The following UNKL variants were observed in gnomAD, a reference collection of about 807,000 sequenced individuals.
UNKL encodes the protein putative E3 ubiquitin-protein ligase UNKL.
UNKL carries 60 observed loss-of-function variants against 78.0 expected under a neutral mutation model. The ratio of observed to expected loss-of-function variants is 0.77; its 90% CI spans 0.63 to 0.95. UNKL has a LOEUF of 0.95. Ranked by LOEUF, UNKL falls within the 40% of genes least tolerant of loss-of-function variation. The pLI is 0.00. For missense variants in UNKL, 1,159 were observed against 1,045.7 expected, an observed-to-expected ratio of 1.11 and a Z score of -1.49; for synonymous variants, 608 against 474.8, an observed-to-expected ratio of 1.28 and a Z score of -3.65.
At chr16:1,382,019 C>T (rs189074002) in intron 10 of UNKL, among the ~76,000 whole-genome samples, 74 of 152,330 alleles carry the variant, frequency 4.9e-4, no homozygotes, top group Middle Eastern at 3.4e-3. Context: ...AGTGCTCTGT[C>T]CCTGGGCTGG....
In UNKL at chr16:1,390,662, G is replaced by T. The variant is rs1215807620; in HGVS notation, c.1056C>A (p.Gly352=). 1 of 1,536,076 alleles carries T rather than the reference G, an allele frequency of 6.5e-7. No homozygotes were observed. The change falls in exon 9 of 15, where the codon GGC becomes GGA. Residue 352 remains glycine (G), a synonymous_variant. Coordinates refer to ENST00000389221, the MANE Select transcript of UNKL (RefSeq NM_001372107.1). ...TGCTGTCTTGCTCGCTGCCCCTAGGGCCACCCTCGGCCGGCGAGTCTCTCC... is the reference window on the plus strand; with the variant it reads ...TGCTGTCTTGCTCGCTGCCCCTAGGTCCACCCTCGGCCGGCGAGTCTCTCC... ...AKRRDSPAEG[G]PRGSEQDSKQ... is the part of the protein sequence containing the mutation.
intron 10 of UNKL, chr16:1,379,493 C>G: frequency 7.1e-6 from 7 of 985,406 alleles, no homozygotes; most frequent in Non-Finnish European, 8.4e-6. Context: ...GGGCCCACCC[C>G]GCGGCTGTCA....
intron 5 of UNKL, chr16:1,398,976 T>C (rs2037396813): frequency 1.3e-6 from 2 of 1,496,036 alleles, no homozygotes; most frequent in African/African-American, 1.4e-5. Context: ...GTGACGACAG[T>C]GCCTGAGCCC....
At chr16:1,366,545 G>A (rs947774790) in intron 14 of UNKL, 150 bp from the exon 15 acceptor site, 1 of 1,043,362 alleles carries the variant, frequency 9.6e-7, no homozygotes, top group Non-Finnish European at 1.3e-6. Context: ...CCCAGCCAGG[G>A]CCACCTCAGG....
chr16:1,405,980 T>C (rs1373917920), intron 2 of UNKL: 4 of 456,694 alleles, frequency 8.8e-6, no homozygotes, highest in Non-Finnish European at 1.8e-5. Flanking sequence ...CAAAATCACC[T>C]AGGAGGCCCG....
chr16:1,412,101 C>T (rs1407782949), intron 2 of UNKL: 1 of 152,150 alleles, frequency 6.6e-6, no homozygotes, highest in Non-Finnish European at 1.5e-5. Flanking sequence ...ATGGACCACC[C>T]TCCGCCCTCC....
In UNKL at chr16:1,405,532, C is replaced by T. The variant is rs555081332; in HGVS notation, c.288-2188G>A. ...CGGGGGTTGCAGTGAACCGAGATCG[C>T]GCCACTGTACTCCAGGCTGGGTGAC... On this transcript the variant is annotated intron_variant, in intron 2 of 14. Transcript: ENST00000389221. Among the ~76,000 whole-genome samples, 23 of 151,594 alleles carry T rather than the reference C, an allele frequency of 1.5e-4. No individual in the cohort carries two copies. In the South Asian group the frequency reaches 2.9e-3, roughly 19 times the overall value.
intron 10 of UNKL, among the ~76,000 whole-genome samples, chr16:1,377,109 G>A (rs1460712458): frequency 2.0e-5 from 3 of 151,994 alleles, no homozygotes; most frequent in South Asian, 2.1e-4. Flanking sequence ...TGCAACCTCC[G>A]CCTCCCAGGT....
At chr16:1,405,922 T>C in intron 2 of UNKL, 1 of 454,712 alleles carries the variant, frequency 2.2e-6, no homozygotes, top group South Asian at 1.5e-5. Flanking sequence ...CCAAGGAGGG[T>C]CCACCAGACC....
In UNKL at chr16:1,364,527, C is replaced by CAA. The variant is rs2035080111; in HGVS notation, c.*1712_*1713insTT. ...ACCACAGATGCCTGTTCCTGCTCAA[C>CAA]TCCTAGGGACAGTCCCAGCCCTGAG... On this transcript the variant is annotated 3_prime_UTR_variant, in exon 15 of 15. Coordinates refer to ENST00000389221, the MANE Select transcript of UNKL (RefSeq NM_001372107.1). 6.6e-6 allele frequency: 1 copy of CAA among 152,278 alleles called. No individual in the cohort carries two copies. The highest frequency in any genetic ancestry group is 1.5e-5 in the Non-Finnish European group (1 of 68,060). 9.4% of individuals were successfully genotyped at this position (152,278 alleles called of 1,614,324 possible).
At chr16:1,375,950 T>G (rs1315562733) in intron 10 of UNKL, among the ~76,000 whole-genome samples, 1 of 152,200 alleles carries the variant, frequency 6.6e-6, no homozygotes, top group African/African-American at 2.4e-5. Context: ...CTGACTGAAG[T>G]CGTGCTGAGC....
intron 11 of UNKL, among the ~76,000 whole-genome samples, chr16:1,370,891 G>A (rs1032074779): frequency 1.3e-5 from 2 of 152,122 alleles, no homozygotes; most frequent in African/African-American, 4.8e-5. Context: ...AGACCATCCT[G>A]GCTAACATGG....
chr16:1,410,625 T>C lies in UNKL; in HGVS notation c.287+3221A>G, dbSNP rs150854329. 1.2e-4 allele frequency among the ~76,000 whole-genome samples: 19 copies of C among 152,262 alleles called. No individual in the cohort carries two copies. In the East Asian group the frequency reaches 3.1e-3, roughly 25 times the overall value. ...CCAATCAGTGCCCTGTATTCAACACTGGAGTGGGGTCAGACAGGCTGGGTG... is the reference window on the plus strand; with the variant it reads ...CCAATCAGTGCCCTGTATTCAACACCGGAGTGGGGTCAGACAGGCTGGGTG... On this transcript the variant is annotated intron_variant, in intron 2 of 14. Coordinates refer to ENST00000389221, the MANE Select transcript of UNKL (RefSeq NM_001372107.1).
intron 8 of UNKL, among the ~76,000 whole-genome samples, chr16:1,391,052 A>T (rs891344947): frequency 6.6e-6 from 1 of 151,966 alleles, no homozygotes; most frequent in Non-Finnish European, 1.5e-5. Context: ...TAAAAAATTT[A>T]AAAAAGGATA....
At position 1,367,173 on chromosome 16, in the gene UNKL, A is replaced by ACAGCCCCG; in HGVS notation, c.1957_1964dup (p.Asp657AlafsTer30). 2.5e-6 allele frequency: 4 copies of ACAGCCCCG among 1,605,834 alleles called. No individual in the cohort carries two copies. Among genetic ancestry groups the ACAGCCCCG allele is most frequent in the East Asian group, 2.2e-5 (1 of 44,730 alleles). On this transcript the variant is annotated frameshift_variant, in exon 14 of 15. Coordinates refer to ENST00000389221, the MANE Select transcript of UNKL (RefSeq NM_001372107.1). LOFTEE classifies it high-confidence loss of function. ...GCAGGGGAATGGTGCCGATGTCCCC[A>ACAGCCCCG]CAGCCCCGCAGCCCCGGCAGTGTGG...
At chr16:1,390,252 C>T (rs575250109) in intron 9 of UNKL, among the ~76,000 whole-genome samples, 1 of 152,276 alleles carries the variant, frequency 6.6e-6, no homozygotes, top group East Asian at 1.9e-4. Flanking sequence ...TCTCAAAGTG[C>T]TGAGATTACA....
intron 11 of UNKL, 54 bp from the exon 12 acceptor site, chr16:1,370,411 C>A: frequency 6.6e-7 from 1 of 1,520,368 alleles, no homozygotes; most frequent in Non-Finnish European, 8.8e-7. Flanking sequence ...TCTGCCCAAA[C>A]ATCTGCCATG....
intron 5 of UNKL, chr16:1,398,544 C>G (rs898509354): frequency 9.5e-5 from 128 of 1,346,944 alleles, no homozygotes; most frequent in Middle Eastern, 2.9e-4. Flanking sequence ...AGGTGCTCTC[C>G]GGGGCATGCG....
At chr16:1,368,232 A>AC (rs2035471242) in intron 12 of UNKL, 1 of 316,386 alleles carries the variant, frequency 3.2e-6, no homozygotes, top group Non-Finnish European at 5.9e-6. Context: ...CAAAGACCCC[A>AC]CAGAGCTGTG....
Sources: allele counts gnomAD v4.1 joint callset (sites outside exome capture counted in the v4.1 genomes callset), GRCh38; gene constraint gnomAD v4.1.1; transcripts MANE v1.5; gene names NCBI Gene and HGNC (gene_info 2026-07-23, HGNC 2026-07-21).